Variants in MORN1 observed in about 807,000 individuals in gnomAD.
The protein encoded by MORN1 is MORN repeat-containing protein 1.
In MORN1, 67 loss-of-function variants were observed where a neutral mutation model predicts 61.9. The observed-to-expected ratio is 1.08, with a 90% CI of 0.89 to 1.33. The LOEUF (loss-of-function observed/expected upper bound fraction) is 1.33. MORN1 is among the 40% of genes most tolerant of loss of function. The pLI, the probability that MORN1 is intolerant of heterozygous loss-of-function variation, is 0.00. For missense variants in MORN1, 752 were observed against 691.2 expected, an observed-to-expected ratio of 1.09 and a Z score of -0.99; for synonymous variants, 301 against 292.0, an observed-to-expected ratio of 1.03 and a Z score of -0.31.
At chr1:2,331,036 G>T (rs984511403) in intron 12 of MORN1, among the ~76,000 whole-genome samples, 2 of 152,226 alleles carry the variant, frequency 1.3e-5, no homozygotes, top group Admixed American at 6.5e-5. Flanking sequence ...TCTCAGAAAC[G>T]CGGCCCCTCC....
rs1569980471 is a variant in MORN1, at chr1:2,355,246, T to C, written c.1036+2186A>G. On this transcript the variant is annotated intron_variant, in intron 10 of 13. Coordinates refer to ENST00000378531, the MANE Select transcript of MORN1 (RefSeq NM_024848.3). ...GCGGTGTGGAACTGCTTCTATCAAC[T>C]GAGGTGAAGGCAGACAAGGGGGCGC... 1.3e-5 allele frequency: 19 copies of C among 1,415,056 alleles called. 1 individual carries two copies. The South Asian group carries it at 3.0e-4, about 22-fold the overall frequency. The allele number at this position is 1,415,056 out of a possible 1,614,324, so 87.7% of individuals were successfully genotyped here.
chr1:2,358,175 G>A (rs1051801845), intron 9 of MORN1, among the ~76,000 whole-genome samples: 4 of 152,244 alleles, frequency 2.6e-5, no homozygotes, highest in Middle Eastern at 3.4e-3. Flanking sequence ...TGATGTGTGC[G>A]TGGGGAGTGG....
At chr1:2,348,720 G>GGCATGCGCACACAC (rs1553212651) in intron 10 of MORN1, among the ~76,000 whole-genome samples, 1 of 124,146 alleles carries the variant, frequency 8.1e-6, no homozygotes, top group African/African-American at 3.1e-5. Context: ...CACCTGCGCG[G>GGCATGCGCACACAC]GCACGCACAC....
At chr1:2,338,265 T>C (rs1260709149) in intron 10 of MORN1, among the ~76,000 whole-genome samples, 1 of 152,234 alleles carries the variant, frequency 6.6e-6, no homozygotes, top group Non-Finnish European at 1.5e-5. Flanking sequence ...TTAATCATTA[T>C]GGTGCATTAT....
intron 10 of MORN1, chr1:2,355,481 C>T (rs55721639): frequency 0.036 from 55,304 of 1,550,186 alleles, 5,003 homozygotes; most frequent in African/African-American, 0.33. Flanking sequence ...GCACAGACCC[C>T]CGAGGCTCTG....
Position 2,325,011 on chromosome 1 carries a change from G to A in MORN1, c.1251-868C>T, listed in dbSNP as rs549082434. Among the ~76,000 whole-genome samples, 16 of 151,750 alleles carry A rather than the reference G, an allele frequency of 1.1e-4. No homozygotes were observed. In the South Asian group the frequency reaches 3.3e-3, roughly 31 times the overall value. ...GGTGCCTCCGATGCTCCTGCTGCAAGGACGAGGGGCTGGCTCTGTGTGGAC... is the reference window on the plus strand; with the variant it reads ...GGTGCCTCCGATGCTCCTGCTGCAAAGACGAGGGGCTGGCTCTGTGTGGAC... On this transcript the variant is annotated intron_variant, in intron 12 of 13. Transcript: ENST00000378531.
intron 7 of MORN1, 142 bp downstream of exon 7, chr1:2,374,319 A>G: frequency 1.5e-6 from 1 of 660,492 alleles, no homozygotes; most frequent in Non-Finnish European, 2.6e-6. Context: ...TTTTCCTTAA[A>G]AGGGGTGGGG....
chr1:2,384,749 C>T (rs910575815), intron 6 of MORN1, among the ~76,000 whole-genome samples: 7 of 152,232 alleles, frequency 4.6e-5, no homozygotes, highest in African/African-American at 1.7e-4. Context: ...CTCCGCGTAC[C>T]TCCTGAGTAT....
rs550604079 is a variant in MORN1, at chr1:2,391,548, T to C, written c.-15A>G. 8.0e-7 allele frequency: 1 copy of C among 1,246,368 alleles called. No homozygotes were observed. 77.2% of individuals were successfully genotyped at this position (1,246,368 alleles called of 1,614,324 possible). On this transcript the variant is annotated 5_prime_UTR_variant, in exon 1 of 14. Coordinates refer to ENST00000378531, the MANE Select transcript of MORN1 (RefSeq NM_024848.3). ...GCCGCTGCCATCTTGCCGCCGAGGGTTCTCTTAGCGACCAGCAACGCCCGC... is the reference window on the plus strand; with the variant it reads ...GCCGCTGCCATCTTGCCGCCGAGGGCTCTCTTAGCGACCAGCAACGCCCGC...
intron 13 of MORN1, chr1:2,322,234 C>A (rs1640897622): frequency 1.0e-6 from 1 of 985,322 alleles, no homozygotes. Flanking sequence ...TAAGAAATAA[C>A]AAAAAGTGAG....
At chr1:2,374,149 C>T (rs1642183430) in intron 7 of MORN1, among the ~76,000 whole-genome samples, 1 of 152,206 alleles carries the variant, frequency 6.6e-6, no homozygotes, top group Non-Finnish European at 1.5e-5. Flanking sequence ...GCCGAGGCCA[C>T]CCTGTGGCCA....
chr1:2,342,867 A>ATTTTATTTATTTTATTTTATTTTAT (rs370414567), intron 10 of MORN1, among the ~76,000 whole-genome samples: 1 of 101,114 alleles, frequency 9.9e-6, no homozygotes, highest in Non-Finnish European at 2.2e-5. Context: ...ATTTTATTTT[A>ATTTTATTTATTTTATTTTATTTTAT]TTTATTTTAT....
chr1:2,322,878 C>G, intron 13 of MORN1: 6 of 985,442 alleles, frequency 6.1e-6, no homozygotes, highest in Non-Finnish European at 7.2e-6. Flanking sequence ...GCGGCAAGGG[C>G]TCTGGCTGGT....
chr1:2,343,065 C>A (rs182008624), intron 10 of MORN1, among the ~76,000 whole-genome samples: 33 of 152,068 alleles, frequency 2.2e-4, no homozygotes, highest in African/African-American at 7.2e-4. Context: ...ATAGAAAATG[C>A]GCTTGACCCT....
intron 12 of MORN1, among the ~76,000 whole-genome samples, chr1:2,325,728 A>G (rs1569906828): frequency 6.8e-6 from 1 of 145,986 alleles, no homozygotes; most frequent in African/African-American, 2.6e-5. Flanking sequence ...ATCATGGCTC[A>G]CTGCAGACTC....
In MORN1 at chr1:2,388,154, G is replaced by A. The variant is rs1285438616; in HGVS notation, c.247+85C>T. 15 of 1,055,064 alleles carry A rather than the reference G, an allele frequency of 1.4e-5. No homozygotes were observed. In the Admixed American group the frequency reaches 2.1e-4, roughly 15 times the overall value. The allele number at this position is 1,055,064 out of a possible 1,614,324, so 65.4% of individuals were successfully genotyped here. A position where few individuals can be genotyped will look rare whatever the true frequency, so the allele number is the denominator to read the frequency against. On this transcript the variant is annotated intron_variant, in intron 3 of 13. Coordinates refer to ENST00000378531, the MANE Select transcript of MORN1 (RefSeq NM_024848.3). ...ACAAAGCTTCCCGTCTACACGTCAC[G>A]CCTTCTGCATCTAGACTCGGCGGAC... is the stretch of plus-strand genomic sequence containing the variant.
intron 8 of MORN1, among the ~76,000 whole-genome samples, chr1:2,370,652 C>CT (rs1348138665): frequency 3.3e-5 from 5 of 149,840 alleles, no homozygotes; most frequent in East Asian, 2.0e-4. Flanking sequence ...AGAAGACAAC[C>CT]TTTTTTTCAT....
chr1:2,339,387 A>G (rs1036644422), intron 10 of MORN1, among the ~76,000 whole-genome samples: 5 of 151,936 alleles, frequency 3.3e-5, no homozygotes, highest in African/African-American at 1.2e-4. Context: ...TCTGCCATGC[A>G]CTCCCTGAGT....
intron 6 of MORN1, among the ~76,000 whole-genome samples, chr1:2,379,658 T>C (rs553399328): frequency 5.9e-5 from 9 of 152,158 alleles, no homozygotes; most frequent in Non-Finnish European, 2.9e-5. Context: ...CGGCTGACAG[T>C]GGGTGGGCTT....
Sources: gnomAD v4.1 joint callset for allele counts (sites outside exome capture counted in the v4.1 genomes callset) on GRCh38, gnomAD v4.1.1 for gene constraint, MANE v1.5 for transcripts, NCBI Gene and HGNC (gene_info 2026-07-23, HGNC 2026-07-21) for gene names.